UNC45B: variants seen among roughly 807,000 people sequenced by gnomAD.
The protein encoded by UNC45B is unc-45 myosin chaperone B.
UNC45B carries 78 observed loss-of-function variants against 98.7 expected under a neutral mutation model. The observed-to-expected ratio is 0.79, with a 90% CI of 0.66 to 0.95. The LOEUF (loss-of-function observed/expected upper bound fraction) is 0.95, where lower values mean the gene tolerates loss of function less well. Ranked by LOEUF, UNC45B falls within the 40% of genes least tolerant of loss-of-function variation. UNC45B has a pLI of 0.00. For missense variants in UNC45B, 1,225 were observed against 1,184.9 expected (o/e 1.03, Z -0.50); for synonymous variants, 462 against 480.4 (o/e 0.96, Z 0.50).
rs754625788 is a variant in UNC45B at position 35,171,474 on chromosome 17, C to T, written c.1830+12C>T. 2.3e-5 allele frequency: 37 copies of T among 1,613,110 alleles called. No individual in the cohort carries two copies. Among genetic ancestry groups the T allele is most frequent in the Non-Finnish European group, 2.8e-5 (33 of 1,179,532 alleles). ...AGGAACACCCCAAGGTAGGGTCAGGCGCGACCCGGGAGGGGTCTGGTCTGT... is the reference window on the plus strand; with the variant it reads ...AGGAACACCCCAAGGTAGGGTCAGGTGCGACCCGGGAGGGGTCTGGTCTGT... On this transcript the variant is annotated intron_variant, in intron 13 of 19. Coordinates refer to ENST00000394570, the MANE Select transcript of UNC45B (RefSeq NM_001267052.2).
At chr17:35,156,074 T>A (rs761476007) in intron 7 of UNC45B, among the ~76,000 whole-genome samples, 1 of 152,172 alleles carries the variant, frequency 6.6e-6, no homozygotes. Context: ...TAGGACATTA[T>A]GCTAGTGAAA....
At chr17:35,172,258 T>C (rs1347306453) in intron 13 of UNC45B, among the ~76,000 whole-genome samples, 1 of 152,182 alleles carries the variant, frequency 6.6e-6, no homozygotes, top group Non-Finnish European at 1.5e-5. Flanking sequence ...ATTTTATTTA[T>C]TTATTTTTTG....
At chr17:35,165,460 A>ATGC (rs2092132033) in intron 9 of UNC45B, among the ~76,000 whole-genome samples, 2 of 152,188 alleles carry the variant, frequency 1.3e-5, no homozygotes, top group Non-Finnish European at 2.9e-5. Flanking sequence ...GTGGCTCAGG[A>ATGC]AGCTGCATGC....
chr17:35,164,310 G>C, intron 9 of UNC45B, 144 bp downstream of exon 9: 1 of 977,492 alleles, frequency 1.0e-6, no homozygotes, highest in Non-Finnish European at 1.4e-6. Flanking sequence ...GGTTTGGCTG[G>C]GTGGCTCTGG....
chr17:35,182,951 A>G (rs2092282655), intron 18 of UNC45B, among the ~76,000 whole-genome samples: 1 of 151,960 alleles, frequency 6.6e-6, no homozygotes, highest in Non-Finnish European at 1.5e-5. Context: ...GGGAAGCCTC[A>G]TCTCTCACCT....
In UNC45B at chr17:35,186,430, T is replaced by C. The variant is rs757621794; in HGVS notation, c.2661T>C (p.Ser887=). 7.4e-6 allele frequency: 12 copies of C among 1,614,006 alleles called. No individual in the cohort carries two copies. Among genetic ancestry groups the C allele is most frequent in the South Asian group, 1.1e-5 (1 of 91,074 alleles). The change falls in exon 20 of 20, where the codon AGT becomes AGC. Residue 887 remains serine, a synonymous_variant. Coordinates refer to ENST00000394570, the MANE Select transcript of UNC45B (RefSeq NM_001267052.2). ...AGCTGGCCAAGAAGCTGGTGGAGAG[T>C]GAGCTGCTGGAGATCCTGACTGTGG... ...DAELAKKLVE[S]ELLEILTVVG...
At position 35,159,520 on chromosome 17, in the gene UNC45B, A is replaced by G; in HGVS notation, c.954A>G (p.Ser318=). 6.2e-7 allele frequency: 1 copy of G among 1,614,064 alleles called. No individual in the cohort carries two copies. Reference sequence around the variant, plus strand: ...AGGACCTTGCCATTCATGACAACTCACGTACCATCTATGTGGTGGATAATG... The same window carrying G: ...AGGACCTTGCCATTCATGACAACTCGCGTACCATCTATGTGGTGGATAATG... ...PRKDLAIHDN[S]RTIYVVDNGL... The change falls in exon 8 of 20, where the codon TCA becomes TCG. Residue 318 remains serine (S), a synonymous_variant. Coordinates refer to ENST00000394570, the MANE Select transcript of UNC45B (RefSeq NM_001267052.2).
intron 9 of UNC45B, among the ~76,000 whole-genome samples, chr17:35,166,585 G>A (rs2092142992): frequency 6.6e-6 from 1 of 152,206 alleles, no homozygotes; most frequent in South Asian, 2.1e-4. Context: ...CCCCTAGCAA[G>A]AGTGGAATAC....
At chr17:35,156,726 C>T (rs1027893126) in intron 7 of UNC45B, among the ~76,000 whole-genome samples, 16 of 151,944 alleles carry the variant, frequency 1.1e-4, no homozygotes, top group African/African-American at 1.2e-4. Flanking sequence ...TATAGAACTA[C>T]GTAAAAATGA....
Position 35,187,448 on chromosome 17 carries a change from G to C in UNC45B, c.*889G>C, listed in dbSNP as rs1232332323. On this transcript the variant is annotated 3_prime_UTR_variant, in exon 20 of 20. Coordinates refer to ENST00000394570, the MANE Select transcript of UNC45B (RefSeq NM_001267052.2). ...GCCCCAGGGTGACATAGTTGTTATA[G>C]TTCATTATGGAATAGAAGAGAGAAG... is the stretch of plus-strand genomic sequence containing the variant. 1 of 152,186 alleles carries C rather than the reference G, an allele frequency of 6.6e-6. No individual in the cohort carries two copies. Among genetic ancestry groups the C allele is most frequent in the Non-Finnish European group, 1.5e-5 (1 of 68,040 alleles). 9.4% of individuals were successfully genotyped at this position (152,186 alleles called of 1,614,324 possible).
rs56300196 is a variant in UNC45B at position 35,180,253 on chromosome 17, T to TGAGAGAGAGAGAGAGA, written c.2256-285_2256-270dup. 4.1e-3 allele frequency among the ~76,000 whole-genome samples: 579 copies of TGAGAGAGAGAGAGAGA among 139,914 alleles called. 7 individuals are homozygous for TGAGAGAGAGAGAGAGA. Among genetic ancestry groups the TGAGAGAGAGAGAGAGA allele is most frequent in the East Asian group, 0.025 (108 of 4,388 alleles). The allele number at this position is 139,914 out of a possible 152,430, so 91.8% of individuals were successfully genotyped here. A position where few individuals can be genotyped will look rare whatever the true frequency, so the allele number is the denominator to read the frequency against. On this transcript the variant is annotated intron_variant, in intron 17 of 19. Coordinates refer to ENST00000394570, the MANE Select transcript of UNC45B (RefSeq NM_001267052.2). The stretch of plus-strand genomic sequence containing the variant: ...CATCTTCTTGGATCTACATCCAGGA[T>TGAGAGAGAGAGAGAGA]GAGAGAGAGAGAGAGAGAGAGAGAG...
Position 35,170,267 on chromosome 17 carries a change from G to A in UNC45B, c.1689+12G>A. The A allele has an allele frequency of 6.3e-7, 1 of 1,597,084 alleles. No individual in the cohort carries two copies. Among genetic ancestry groups the A allele is most frequent in the African/African-American group, 1.3e-5 (1 of 74,760 alleles). Reference sequence around the variant, plus strand: ...TTGAGCTGGCCAAGGCAGGTGTCGGGGAGTCTGGCCCGACCACAAACCTCA... The same window carrying A: ...TTGAGCTGGCCAAGGCAGGTGTCGGAGAGTCTGGCCCGACCACAAACCTCA... On this transcript the variant is annotated intron_variant, in intron 12 of 19. Transcript: ENST00000394570.
intron 19 of UNC45B, among the ~76,000 whole-genome samples, chr17:35,185,668 A>G (rs990687602): frequency 1.3e-5 from 2 of 151,984 alleles, no homozygotes; most frequent in African/African-American, 2.4e-5. Context: ...TTGAGCACTT[A>G]CTGTGCTCCA....
rs1485744227 is a variant in UNC45B at position 35,187,696 on chromosome 17, T to G, written c.*1137T>G. The G allele has an allele frequency of 6.6e-6, 1 of 152,216 alleles. No homozygotes were observed. The allele number at this position is 152,216 out of a possible 1,614,324, so 9.4% of individuals were successfully genotyped here. A position where few individuals can be genotyped will look rare whatever the true frequency, so the allele number is the denominator to read the frequency against. ...GAAGAGGTGTGCCACCACAAAAGAA[T>G]GTACCCTGGGCAGATCAAAGAACAT... On this transcript the variant is annotated 3_prime_UTR_variant, in exon 20 of 20. Coordinates refer to ENST00000394570, the MANE Select transcript of UNC45B (RefSeq NM_001267052.2).
intron 15 of UNC45B, among the ~76,000 whole-genome samples, chr17:35,176,696 A>C (rs977961205): frequency 6.6e-6 from 1 of 152,172 alleles, no homozygotes; most frequent in Non-Finnish European, 1.5e-5. Context: ...AACAAAACAA[A>C]ACAAACAAAC....
chr17:35,156,070 A>G (rs1008854431), intron 7 of UNC45B, among the ~76,000 whole-genome samples: 3 of 152,220 alleles, frequency 2.0e-5, no homozygotes, highest in Admixed American at 6.5e-5. Flanking sequence ...ACATTAGGAC[A>G]TTATGCTAGT....
At chr17:35,169,773 G>A (rs1200697790) in intron 10 of UNC45B, 64 bp from the exon 11 acceptor site, 10 of 1,458,332 alleles carry the variant, frequency 6.9e-6, no homozygotes, top group Non-Finnish European at 9.6e-6. Context: ...TTTGAGCAAG[G>A]CTTCATCCCC....
chr17:35,173,905 G>A (rs753834290), intron 13 of UNC45B, among the ~76,000 whole-genome samples: 1 of 149,882 alleles, frequency 6.7e-6, no homozygotes, highest in South Asian at 2.1e-4. Context: ...CTCTGCCCCC[G>A]GGTTCATGCC....
chr17:35,159,539 G>C lies in UNC45B; in HGVS notation c.973G>C (p.Asp325His), dbSNP rs1357326449. 6.2e-7 allele frequency: 1 copy of C among 1,613,444 alleles called. No homozygotes were observed. Among genetic ancestry groups the C allele is most frequent in the Non-Finnish European group, 8.5e-7 (1 of 1,179,556 alleles). Residue 325 changes from aspartate (D) to histidine (H), a missense_variant, in exon 8 of 20, where the codon GAT becomes CAT. Coordinates refer to ENST00000394570, the MANE Select transcript of UNC45B (RefSeq NM_001267052.2). ...HDNSRTIYVV[D>H]NGLRKILKVV... is the part of the protein sequence containing the mutation. ...CAACTCACGTACCATCTATGTGGTGGATAATGGTGAGAAGAGGGGAAGGTT... is the reference window on the plus strand; with the variant it reads ...CAACTCACGTACCATCTATGTGGTGCATAATGGTGAGAAGAGGGGAAGGTT...
Sources: allele counts gnomAD v4.1 joint callset (sites outside exome capture counted in the v4.1 genomes callset), GRCh38; gene constraint gnomAD v4.1.1; transcripts MANE v1.5; gene names NCBI Gene and HGNC (gene_info 2026-07-23, HGNC 2026-07-21).